The following MYT1 variants were observed in gnomAD, a reference collection of about 807,000 sequenced individuals.
MYT1 encodes myelin transcription factor 1, also known as myelin transcription factor I.
MYT1 carries 23 observed loss-of-function variants against 123.0 expected under a neutral mutation model. The ratio of observed to expected loss-of-function variants is 0.19; its 90% CI spans 0.13 to 0.26. The LOEUF is 0.26. Ranked by LOEUF, MYT1 falls within the 10% of genes least tolerant of loss-of-function variation. The pLI is 1.00. For missense variants in MYT1, 1,125 were observed against 1,472.5 expected (o/e 0.76, Z 3.86); for synonymous variants, 518 against 575.3 (o/e 0.90, Z 1.43).
intron 4 of MYT1, among the ~76,000 whole-genome samples, chr20:64,204,603 T>C (rs1231683714): frequency 8.3e-6 from 1 of 121,192 alleles, no homozygotes; most frequent in Admixed American, 7.6e-5. Flanking sequence ...ATGCAGAGAC[T>C]GTTACCCTCG....
At position 64,237,289 on chromosome 20, in the gene MYT1, T is replaced by C; in HGVS notation, c.2992T>C (p.Leu998=). The stretch of plus-strand genomic sequence containing the variant: ...ACTGAGGTTTCTCTCTGGGTCAGTG[T>C]TGGAGAATGATGAGGAGATCAAGCA... ...LSPKFKTSDV[L]ENDEEIKQLN... is the part of the protein sequence containing the mutation. Residue 998 remains leucine (L), a splice_region_variant and synonymous_variant, in exon 21 of 23, where the codon TTG becomes CTG. Coordinates refer to ENST00000328439, the MANE Select transcript of MYT1 (RefSeq NM_004535.3). The C allele has an allele frequency of 6.2e-7, 1 of 1,610,400 alleles. No homozygotes were observed. Among genetic ancestry groups the C allele is most frequent in the Non-Finnish European group, 8.5e-7 (1 of 1,179,010 alleles).
In MYT1 at chr20:64,237,375, G is replaced by A. The variant is rs148145084; in HGVS notation, c.3078G>A (p.Val1026=). ...ACTCGGAGATGGAGGCTGCCATGGT[G>A]CAGCTGCAGTCCCAGGTAGGTGGTG... ...ESNSEMEAAM[V]QLQSQISSME... The change falls in exon 21 of 23, where the codon GTG becomes GTA. Residue 1026 remains valine (V), a synonymous_variant. Coordinates refer to ENST00000328439, the MANE Select transcript of MYT1 (RefSeq NM_004535.3). 49 of 1,606,474 alleles carry A rather than the reference G, an allele frequency of 3.1e-5. No individual in the cohort carries two copies. Among genetic ancestry groups the A allele is most frequent in the Middle Eastern group, 1.7e-4 (1 of 5,974 alleles).
Position 64,211,215 on chromosome 20 carries a change from G to A in MYT1, c.1301G>A (p.Arg434Lys). The change falls in exon 8 of 23, where the codon AGA becomes AAA. Residue 434 changes from arginine to lysine, a missense_variant. By Grantham distance (26) the Arg-to-Lys change is conservative. Coordinates refer to ENST00000328439, the MANE Select transcript of MYT1 (RefSeq NM_004535.3). Reference protein sequence around the residue: ...RKSYYSKDPSRAEKREIKCPT... With the variant: ...RKSYYSKDPSKAEKREIKCPT... ...GACTTGTGTGTTTTAGATCCTTCAA[G>A]AGCTGAGAAGCGTGAGATCAAGTGT... The A allele has an allele frequency of 6.2e-7, 1 of 1,613,194 alleles. No individual in the cohort carries two copies. The highest frequency in any genetic ancestry group is 1.1e-5 in the South Asian group (1 of 90,820).
In MYT1 at chr20:64,166,064, G is replaced by A. The variant is rs965786956; in HGVS notation, c.-99+1325G>A. 3.3e-5 allele frequency among the ~76,000 whole-genome samples: 5 copies of A among 152,212 alleles called. No homozygotes were observed. Among genetic ancestry groups the A allele is most frequent in the Non-Finnish European group, 7.4e-5 (5 of 67,986 alleles). On this transcript the variant is annotated intron_variant, in intron 1 of 22. Coordinates refer to ENST00000328439, the MANE Select transcript of MYT1 (RefSeq NM_004535.3). This position sits in a 1 kb window ranked among gnomAD's most constrained non-coding sequence, Gnocchi z 4.9. ...GGGCTGACTGAGGGAGGCTCCCCTC[G>A]GCCCCCAGCCTCCCTGCCACCCCGG...
chr20:64,195,275 G>A lies in MYT1; in HGVS notation c.1-3587G>A, dbSNP rs1178932629. 2.6e-5 allele frequency among the ~76,000 whole-genome samples: 4 copies of A among 151,998 alleles called. No individual in the cohort carries two copies. In the South Asian group the frequency reaches 6.2e-4, roughly 24 times the overall value. ...CCTGAGTTTGTAAACACCCAACTCA[G>A]GGCACTCTGTTTTGGCCAGGCCAGC... On this transcript the variant is annotated intron_variant, in intron 2 of 22. Coordinates refer to ENST00000328439, the MANE Select transcript of MYT1 (RefSeq NM_004535.3).
chr20:64,183,858 T>C (rs953769613), intron 1 of MYT1, among the ~76,000 whole-genome samples: 1 of 152,206 alleles, frequency 6.6e-6, no homozygotes, highest in African/African-American at 2.4e-5. Context: ...TCTTGCTCTG[T>C]CACGCAGGCT....
In MYT1 at chr20:64,208,454, C is replaced by A; in HGVS notation, c.1258C>A (p.Leu420Met). Residue 420 changes from leucine to methionine, a missense_variant, in exon 7 of 23, where the codon CTG (leucine) becomes ATG (methionine). Around this residue, in one of 4 missense-constraint regions of MYT1, gnomAD observed 429 missense variants for 604.1 expected, o/e 0.71. Coordinates refer to ENST00000328439, the MANE Select transcript of MYT1 (RefSeq NM_004535.3). The surrounding 1 kb of genome is among the most constrained non-coding windows in gnomAD (Gnocchi z 5.4). Reference protein sequence around the residue: ...LGEPGKAAKPLDTVRKSYYSK... With the variant: ...LGEPGKAAKPMDTVRKSYYSK... ...AGAGCCAGGGAAGGCAGCAAAGCCC[C>A]TGGACACTGTGCGGAAGAGTTACTA... 2 of 1,612,158 alleles carry A rather than the reference C, an allele frequency of 1.2e-6. No individual in the cohort carries two copies. The highest frequency in any genetic ancestry group is 8.5e-7 in the Non-Finnish European group (1 of 1,179,528).
intron 4 of MYT1, among the ~76,000 whole-genome samples, chr20:64,200,934 C>T (rs943485308): frequency 1.3e-5 from 2 of 152,262 alleles, no homozygotes; most frequent in Non-Finnish European, 1.5e-5. Context: ...GCACAGGGGT[C>T]GGCTCCCTGG....
intron 1 of MYT1, among the ~76,000 whole-genome samples, chr20:64,176,736 T>C (rs543852148): frequency 6.6e-5 from 10 of 152,210 alleles, no homozygotes; most frequent in Non-Finnish European, 8.8e-5. Context: ...GTGTGAGGCC[T>C]GGTCACATGG....
intron 1 of MYT1, among the ~76,000 whole-genome samples, chr20:64,173,285 GC>G (rs1982342645): frequency 6.6e-6 from 1 of 152,158 alleles, no homozygotes; most frequent in Non-Finnish European, 1.5e-5. Context: ...GCCTCAAGCA[GC>G]CCTCGGAGGC....
rs988243583 is a variant in MYT1 at position 64,205,173 on chromosome 20, A to G, written c.149+76A>G. On this transcript the variant is annotated intron_variant, in intron 5 of 22. Coordinates refer to ENST00000328439, the MANE Select transcript of MYT1 (RefSeq NM_004535.3). ...CCCCTGCCCACTCTGCAGATGGAGA[A>G]CTTTCCATCTTTTTCCATGGCTCCC... The G allele has an allele frequency of 1.2e-5, 18 of 1,519,260 alleles. No homozygotes were observed. The African/African-American group carries it at 2.3e-4, about 20-fold the overall frequency. The allele number at this position is 1,519,260 out of a possible 1,614,324, so 94.1% of individuals were successfully genotyped here. A position where few individuals can be genotyped will look rare whatever the true frequency, so the allele number is the denominator to read the frequency against.
chr20:64,199,917 C>T lies in MYT1; in HGVS notation c.81C>T (p.Asp27=). 6.2e-7 allele frequency: 1 copy of T among 1,614,160 alleles called. No homozygotes were observed. The highest frequency in any genetic ancestry group is 8.5e-7 in the Non-Finnish European group (1 of 1,179,986). The change falls in exon 4 of 23, where the codon GAC becomes GAT. Residue 27 remains aspartate (D), a synonymous_variant. Transcript: ENST00000328439. ...GACCCCCAGAGACCACAGCTGCAGA[C>T]CTCAGGTAAGGAAGTCTTCCTGTTA... The part of the protein sequence containing the change: ...LRGPPETTAA[D]LSCPTPGCTG...
Position 64,212,217 on chromosome 20 carries a change from G to GGCT in MYT1, c.1517+79_1517+80insGCT, listed in dbSNP as rs1281166638. ...GGCCAGGGTGGGGGCCGTGGTGGGG[G>GGCT]CCAGGGTGGGGGCCGTGGTGGGGGC... On this transcript the variant is annotated intron_variant, in intron 9 of 22. Coordinates refer to ENST00000328439, the MANE Select transcript of MYT1 (RefSeq NM_004535.3). This position sits in a 1 kb window ranked among gnomAD's most constrained non-coding sequence, Gnocchi z 6.8. 3.3e-4 allele frequency: 81 copies of GGCT among 242,340 alleles called. No homozygotes were observed. The highest frequency in any genetic ancestry group is 4.8e-4 in the African/African-American group (14 of 29,236). The allele number at this position is 242,340 out of a possible 1,614,324, so 15.0% of individuals were successfully genotyped here. A position where few individuals can be genotyped will look rare whatever the true frequency, so the allele number is the denominator to read the frequency against.
Position 64,166,543 on chromosome 20 carries a change from T to C in MYT1, c.-99+1804T>C, listed in dbSNP as rs1982088112. ...CCCTGAAGAGGGCCTGGTAGCCCTC[T>C]TCAGAGACCCGAGGCAGGGGGGCTG... is the stretch of plus-strand genomic sequence containing the variant. On this transcript the variant is annotated intron_variant, in intron 1 of 22. Transcript: ENST00000328439. This position sits in a 1 kb window ranked among gnomAD's most constrained non-coding sequence, Gnocchi z 4.9. 6.6e-6 allele frequency among the ~76,000 whole-genome samples: 1 copy of C among 152,148 alleles called. No homozygotes were observed. The highest frequency in any genetic ancestry group is 1.9e-4 in the East Asian group (1 of 5,180).
intron 1 of MYT1, among the ~76,000 whole-genome samples, chr20:64,177,380 G>GA (rs539327635): frequency 0.038 from 5,558 of 144,590 alleles, 193 homozygotes; most frequent in South Asian, 0.18. Context: ...TTCCAGAGAG[G>GA]AAAAAAAAAA....
rs575723337 is a variant in MYT1 at position 64,202,283 on chromosome 20, G to A, written c.86+2361G>A. Among the ~76,000 whole-genome samples the A allele has an allele frequency of 6.6e-6, 1 of 152,330 alleles. No individual in the cohort carries two copies. The highest frequency in any genetic ancestry group is 2.1e-4 in the South Asian group (1 of 4,828). On this transcript the variant is annotated intron_variant, in intron 4 of 22. Transcript: ENST00000328439. The surrounding 1 kb of genome is among the most constrained non-coding windows in gnomAD (Gnocchi z 5.0). ...TATTTCCGACCTCGGAGCCCACTGG[G>A]AGTGCCTGAGCGAAGAAGCAGTTTG...
chr20:64,194,799 A>T (rs2145705946), intron 2 of MYT1, among the ~76,000 whole-genome samples: 1 of 152,220 alleles, frequency 6.6e-6, no homozygotes, highest in East Asian at 1.9e-4. Context: ...CTTCATGGAA[A>T]ATCTCCAACC....
chr20:64,239,617 C>A (rs1984652899), intron 21 of MYT1, 143 bp from the exon 22 acceptor site: 1 of 1,198,670 alleles, frequency 8.3e-7, no homozygotes, highest in Non-Finnish European at 1.2e-6. Context: ...GCAGAACCCC[C>A]TACAGGAAGG....
At chr20:64,222,176 GC>G in intron 14 of MYT1, 129 bp downstream of exon 14, 1 of 988,020 alleles carries the variant, frequency 1.0e-6, no homozygotes, top group Non-Finnish European at 1.5e-6. Context: ...ACCACCTCGA[GC>G]CAGGCAGCCT....
Sources: gnomAD v4.1 joint callset for allele counts (sites outside exome capture counted in the v4.1 genomes callset) on GRCh38, gnomAD v4.1.1 for gene constraint, gnomAD v4.1.1 regional missense constraint, Gnocchi (gnomAD v3.1) non-coding constraint, MANE v1.5 for transcripts, NCBI Gene and HGNC (gene_info 2026-07-23, HGNC 2026-07-21) for gene names.